Variants in NDRG4 observed in about 807,000 individuals in gnomAD.
The protein encoded by NDRG4 is NDRG family member 4, also known as protein NDRG4.
NDRG4 carries 38 observed loss-of-function variants against 55.8 expected under a neutral mutation model. The ratio of observed to expected loss-of-function variants is 0.68; its 90% confidence interval spans 0.53 to 0.89. NDRG4 has a LOEUF of 0.89. Ranked by LOEUF, NDRG4 falls within the 40% of genes least tolerant of loss-of-function variation. NDRG4 has a pLI of 0.00. For synonymous variants in NDRG4, 190 were observed against 182.7 expected (o/e 1.04, Z -0.32); for missense variants, 455 against 468.6 (o/e 0.97, Z 0.27).
chr16:58,508,257 T>C (rs2038312218), intron 10 of NDRG4, among the ~76,000 whole-genome samples: 1 of 152,244 alleles, frequency 6.6e-6, no homozygotes, highest in East Asian at 1.9e-4. Flanking sequence ...CCCTCTTCCC[T>C]CCCCAGCAGC....
At chr16:58,494,325 CT>C (rs999249575) in intron 2 of NDRG4, among the ~76,000 whole-genome samples, 1 of 152,204 alleles carries the variant, frequency 6.6e-6, no homozygotes, top group African/African-American at 2.4e-5. Flanking sequence ...AAAGGTCCCT[CT>C]TTCCCCCTCA....
chr16:58,496,967 C>A (rs1419883454), upstream of NDRG4: 1 of 152,192 alleles, frequency 6.6e-6, no homozygotes, highest in Non-Finnish European at 1.5e-5. Context: ...ATGAGCACGA[C>A]CCCTGTACAA....
At position 58,509,013 on chromosome 16, in the gene NDRG4, A is replaced by T; in HGVS notation, c.777+4A>T. 1 of 1,614,120 alleles carries T rather than the reference A, an allele frequency of 6.2e-7. No individual in the cohort carries two copies. Among genetic ancestry groups the T allele is most frequent in the Non-Finnish European group, 8.5e-7 (1 of 1,180,010 alleles). On this transcript the variant is annotated splice_donor_region_variant and intron_variant, in intron 11 of 14. Transcript: ENST00000570248. ...GACCACTACGACCTTCCTGAAGGTGAGGCTTTCTTCCCCAGCCCTGGGCCA... is the reference window on the plus strand; with the variant it reads ...GACCACTACGACCTTCCTGAAGGTGTGGCTTTCTTCCCCAGCCCTGGGCCA...
intron 2 of NDRG4, among the ~76,000 whole-genome samples, chr16:58,491,134 G>T (rs534056148): frequency 6.6e-6 from 1 of 151,812 alleles, no homozygotes; most frequent in South Asian, 2.1e-4. Flanking sequence ...AAATTAGCCA[G>T]ATGTGGTGGT....
In NDRG4 at chr16:58,511,552, C is replaced by T. The variant is rs1369721694; in HGVS notation, c.1035C>T (p.Asn345=). 4 of 1,613,078 alleles carry T rather than the reference C, an allele frequency of 2.5e-6. No homozygotes were observed. The highest frequency in any genetic ancestry group is 3.4e-6 in the Non-Finnish European group (4 of 1,179,966). The change falls in exon 15 of 15, where the codon AAC becomes AAT. Residue 345 remains asparagine, a synonymous_variant. Transcript: ENST00000570248. ...GCAGCGAGGGGCTGGGCCAGGTCAA[C>T]CACACCATGGAGGTGTCCTGTTGAA... The part of the protein sequence containing the change: ...SESSEGLGQV[N]HTMEVSC
At chr16:58,494,063 C>T (rs1433090220) in intron 2 of NDRG4, among the ~76,000 whole-genome samples, 2 of 152,202 alleles carry the variant, frequency 1.3e-5, no homozygotes, top group African/African-American at 2.4e-5. Context: ...GAGCCTCTCT[C>T]CCCTCATCGG....
chr16:58,504,130 C>T (rs1359619120), intron 2 of NDRG4, 24 bp from the exon 3 acceptor site: 2 of 1,613,746 alleles, frequency 1.2e-6, no homozygotes, highest in Admixed American at 1.7e-5. Context: ...TCTGCTCAGC[C>T]ATAGTGGAAG....
chr16:58,504,648 C>T lies in NDRG4; in HGVS notation c.371C>T (p.Ala124Val). The change falls in exon 5 of 15, where the codon GCA becomes GTA. Residue 124 changes from alanine (A) to valine (V), a missense_variant and splice_region_variant. Coordinates refer to ENST00000570248, the MANE Select transcript of NDRG4 (RefSeq NM_001242835.2). ...GGAGCCTATGTGCTGGCCAAGTTTG[C>T]AGTGAGTCTCCCCATGCCCCCATTA... ...GAGAYVLAKF[A>V]LIFPDLVEGL... The T allele has an allele frequency of 6.2e-7, 1 of 1,614,198 alleles. No homozygotes were observed.
chr16:58,499,558 G>A (rs1217662826), upstream of NDRG4: 1 of 152,852 alleles, frequency 6.5e-6, no homozygotes, highest in Admixed American at 6.5e-5. Context: ...CCTTGAAGCA[G>A]GGTGATAACC....
At chr16:58,486,575 T>C (rs888622063) in intron 1 of NDRG4, among the ~76,000 whole-genome samples, 2 of 152,176 alleles carry the variant, frequency 1.3e-5, no homozygotes, top group African/African-American at 4.8e-5. Context: ...ATTATGTCCT[T>C]GGCTAGTTTT....
chr16:58,484,505 G>C (rs2034842849), intron 1 of NDRG4, among the ~76,000 whole-genome samples: 1 of 152,224 alleles, frequency 6.6e-6, no homozygotes, highest in Non-Finnish European at 1.5e-5. Context: ...GAATGATAGA[G>C]GAGAAATGCC....
intron 1 of NDRG4, among the ~76,000 whole-genome samples, chr16:58,486,195 T>C (rs1265040537): frequency 1.3e-5 from 2 of 152,210 alleles, no homozygotes; most frequent in African/African-American, 4.8e-5. Flanking sequence ...ACGGTCTTGC[T>C]CTGTCACTCA....
rs1285723384 is a variant in NDRG4, at chr16:58,510,663, G to A, written c.884G>A (p.Arg295Gln). 5.2e-6 allele frequency: 8 copies of A among 1,535,776 alleles called. No individual in the cohort carries two copies. Among genetic ancestry groups the A allele is most frequent in the Middle Eastern group, 1.7e-4 (1 of 6,012 alleles). The stretch of plus-strand genomic sequence containing the variant: ...CTCTTAGTTGCGTACTTGAAGGACC[G>A]AAGGCTGAGTGGAGGAGCAGGTAGC... ...GMGYIAYLKDRRLSGGAVPSA... is the reference protein window; with the variant it reads ...GMGYIAYLKDQRLSGGAVPSA... Residue 295 changes from arginine to glutamine, a missense_variant, in exon 14 of 15, where the codon CGA (arginine) becomes CAA (glutamine). Transcript: ENST00000570248.
At chr16:58,495,935 G>A (rs2036353916), upstream of NDRG4, among the ~76,000 whole-genome samples, 2 of 152,274 alleles carry the variant, frequency 1.3e-5, no homozygotes, top group African/African-American at 2.4e-5. Flanking sequence ...GGAAGTGGTC[G>A]GGAGCTGGCC....
At chr16:58,478,172 C>T (rs537347171) in intron 1 of NDRG4, among the ~76,000 whole-genome samples, 171 of 152,126 alleles carry the variant, frequency 1.1e-3, no homozygotes, top group Non-Finnish European at 1.8e-3. Flanking sequence ...GGATGGATCA[C>T]GAGGTCAGGG....
At chr16:58,487,273 C>G (rs1245448455) in intron 1 of NDRG4, among the ~76,000 whole-genome samples, 1 of 152,328 alleles carries the variant, frequency 6.6e-6, no homozygotes, top group Middle Eastern at 3.4e-3. Flanking sequence ...GAAATCTCAA[C>G]ACTTTGGGAG....
At chr16:58,498,798 C>T (rs1191779090), upstream of NDRG4, among the ~76,000 whole-genome samples, 5 of 152,096 alleles carry the variant, frequency 3.3e-5, no homozygotes, top group Non-Finnish European at 5.9e-5. Context: ...GGCAGTTGTG[C>T]AGTTATCGTG....
chr16:58,500,124 C>T (rs2036879993), upstream of NDRG4: 1 of 1,533,226 alleles, frequency 6.5e-7, no homozygotes, highest in Non-Finnish European at 8.7e-7. Flanking sequence ...TATAAATGGC[C>T]CAGGAGCTGT....
chr16:58,502,401 C>A (rs925674945), intron 1 of NDRG4, among the ~76,000 whole-genome samples: 1 of 152,130 alleles, frequency 6.6e-6, no homozygotes, highest in Non-Finnish European at 1.5e-5. Context: ...TACCTGGGCT[C>A]TCCTGGAGGA....
Sources: allele counts gnomAD v4.1 joint callset (sites outside exome capture counted in the v4.1 genomes callset), GRCh38; gene constraint gnomAD v4.1.1; transcripts MANE v1.5; gene names NCBI Gene and HGNC (gene_info 2026-07-23, HGNC 2026-07-21).